Variants in DPYD observed in about 807,000 individuals in gnomAD.
The protein encoded by DPYD is dihydropyrimidine dehydrogenase [NADP(+)].
In DPYD, 109 loss-of-function variants were observed where a neutral mutation model predicts 116.2. The observed-to-expected ratio is 0.94, with a 90% CI of 0.80 to 1.10. The LOEUF (loss-of-function observed/expected upper bound fraction) is 1.10, where lower values mean the gene tolerates loss of function less well. DPYD is among the 50% of genes least tolerant of loss of function. DPYD has a pLI of 0.00. For missense variants in DPYD, 1,302 were observed against 1,254.5 expected (o/e 1.04, Z -0.57); for synonymous variants, 440 against 432.0 (o/e 1.02, Z -0.23).
chr1:97,151,266 A>C (rs1654992845), intron 20 of DPYD, among the ~76,000 whole-genome samples: 1 of 152,208 alleles, frequency 6.6e-6, no homozygotes, highest in African/African-American at 2.4e-5. Flanking sequence ...ATAATCGTAC[A>C]TATATATGAG....
intron 14 of DPYD, among the ~76,000 whole-genome samples, chr1:97,405,741 T>A (rs1570680582): frequency 6.6e-6 from 1 of 152,126 alleles, no homozygotes; most frequent in African/African-American, 2.4e-5. Flanking sequence ...TCTCTTAAAC[T>A]CTTGACCTCA....
intron 20 of DPYD, among the ~76,000 whole-genome samples, chr1:97,190,674 A>G (rs928595995): frequency 1.3e-5 from 2 of 152,210 alleles, no homozygotes; most frequent in Non-Finnish European, 2.9e-5. Flanking sequence ...CAGTTTGATC[A>G]GTTAATAAGT....
intron 7 of DPYD, among the ~76,000 whole-genome samples, chr1:97,685,183 T>A (rs1478648353): frequency 1.3e-5 from 2 of 152,138 alleles, no homozygotes; most frequent in African/African-American, 4.8e-5. Context: ...GCAAGGCTGG[T>A]TCAACATATG....
chr1:97,846,183 A>G (rs999728813), intron 2 of DPYD, among the ~76,000 whole-genome samples: 4 of 152,142 alleles, frequency 2.6e-5, no homozygotes, highest in Admixed American at 2.0e-4. Context: ...TGGTGAAGTG[A>G]CACCTCAAGG....
chr1:97,668,576 T>C (rs1468875246), intron 8 of DPYD, among the ~76,000 whole-genome samples: 1 of 152,094 alleles, frequency 6.6e-6, no homozygotes, highest in Non-Finnish European at 1.5e-5. Flanking sequence ...CACTGCTAGG[T>C]ATATTGCAGA....
chr1:97,589,142 G>A (rs932428232), intron 10 of DPYD, among the ~76,000 whole-genome samples: 1 of 152,178 alleles, frequency 6.6e-6, no homozygotes, highest in Non-Finnish European at 1.5e-5. Flanking sequence ...TAGAGAAATG[G>A]GATGTGTTTG....
chr1:97,842,728 T>G (rs1670097606), intron 2 of DPYD, among the ~76,000 whole-genome samples: 1 of 152,064 alleles, frequency 6.6e-6, no homozygotes, highest in Non-Finnish European at 1.5e-5. Flanking sequence ...TGGAAGGGGC[T>G]TTAAGAATGC....
intron 19 of DPYD, among the ~76,000 whole-genome samples, chr1:97,231,385 A>G (rs1051255898): frequency 2.6e-5 from 4 of 152,216 alleles, no homozygotes; most frequent in African/African-American, 9.6e-5. Context: ...GGTAATTTAT[A>G]AAGGAAAGAG....
At chr1:97,758,256 A>T (rs1401815449) in intron 3 of DPYD, among the ~76,000 whole-genome samples, 1 of 152,144 alleles carries the variant, frequency 6.6e-6, no homozygotes, top group Non-Finnish European at 1.5e-5. Context: ...AGCTATGAGC[A>T]ATGGGTGTAT....
chr1:97,350,498 T>C (rs775570181), intron 16 of DPYD, among the ~76,000 whole-genome samples: 7 of 152,130 alleles, frequency 4.6e-5, no homozygotes, highest in African/African-American at 7.2e-5. Context: ...GCCATCCCAT[T>C]TGACAAATCC....
At chr1:97,723,762 C>T (rs1366483748) in intron 4 of DPYD, among the ~76,000 whole-genome samples, 1 of 151,334 alleles carries the variant, frequency 6.6e-6, no homozygotes, top group Non-Finnish European at 1.5e-5. Flanking sequence ...AGTATAATAT[C>T]CAAAAGTCAA....
At chr1:97,318,787 A>G (rs1412098964) in intron 16 of DPYD, among the ~76,000 whole-genome samples, 2 of 149,700 alleles carry the variant, frequency 1.3e-5, no homozygotes, top group Admixed American at 6.7e-5. Flanking sequence ...CATTTTTTTC[A>G]GCACCACACC....
chr1:97,690,123 G>A (rs949564040), intron 7 of DPYD, among the ~76,000 whole-genome samples: 1 of 151,990 alleles, frequency 6.6e-6, no homozygotes, highest in African/African-American at 2.4e-5. Flanking sequence ...CTTTGCATAT[G>A]TAAACAAATA....
Position 97,606,829 on chromosome 1 carries a change from ACTTCT to A in DPYD, c.851-11668_851-11664del, listed in dbSNP as rs558045187. On this transcript the variant is annotated intron_variant, in intron 8 of 22. Transcript: ENST00000370192. ...GCATAAATCCAGATAAGAAAGGAAA[ACTTCT>A]CTTCTTCTTCTTAACCAGGATTACT... Among the ~76,000 whole-genome samples the A allele has an allele frequency of 8.6e-5, 13 of 151,942 alleles. No homozygotes were observed. In the East Asian group the frequency reaches 2.5e-3, roughly 29 times the overall value.
intron 21 of DPYD, among the ~76,000 whole-genome samples, chr1:97,083,256 G>A (rs924711238): frequency 6.6e-6 from 1 of 152,050 alleles, no homozygotes; most frequent in Non-Finnish European, 1.5e-5. Context: ...TGTCAAATTA[G>A]CATGCTGTCA....
chr1:97,172,404 G>C (rs1422451987), intron 20 of DPYD, among the ~76,000 whole-genome samples: 1 of 152,146 alleles, frequency 6.6e-6, no homozygotes, highest in African/African-American at 2.4e-5. Flanking sequence ...TCTGATTTCT[G>C]TGTATGGGAA....
chr1:97,257,411 TAAAGTA>T (rs1663554894), intron 18 of DPYD, among the ~76,000 whole-genome samples: 1 of 142,592 alleles, frequency 7.0e-6, no homozygotes, highest in Admixed American at 7.0e-5. Flanking sequence ...CTACTGGTAC[TAAAGTA>T]AAAGTACATA....
rs2101594971 is a variant in DPYD, at chr1:97,862,162, A to T, written c.150+21102T>A. 2.0e-5 allele frequency among the ~76,000 whole-genome samples: 3 copies of T among 152,068 alleles called. No homozygotes were observed. In the Middle Eastern group the frequency reaches 0.01, roughly 517 times the overall value. On this transcript the variant is annotated intron_variant, in intron 2 of 22. Coordinates refer to ENST00000370192, the MANE Select transcript of DPYD (RefSeq NM_000110.4). ...TTTTCCTCCTAAATCACTACAGAAG[A>T]CAATAAAATATACCAGAGTATATGT...
intron 19 of DPYD, among the ~76,000 whole-genome samples, chr1:97,234,572 T>C (rs1373182790): frequency 6.6e-6 from 1 of 152,192 alleles, no homozygotes; most frequent in Non-Finnish European, 1.5e-5. Flanking sequence ...AGGAGGACAG[T>C]ACTCATTTTG....
Sources: allele counts gnomAD v4.1 joint callset (sites outside exome capture counted in the v4.1 genomes callset), GRCh38; gene constraint gnomAD v4.1.1; transcripts MANE v1.5; gene names NCBI Gene and HGNC (gene_info 2026-07-23, HGNC 2026-07-21).